Variants in KIAA1217 observed in about 807,000 individuals in gnomAD.
KIAA1217 encodes the protein KIAA1217.
KIAA1217 carries 88 observed loss-of-function variants against 163.9 expected under a neutral mutation model. That is an observed-to-expected ratio of 0.54 (90% CI 0.45 to 0.64). The LOEUF is 0.64. Ranked by LOEUF, KIAA1217 falls within the 30% of genes least tolerant of loss-of-function variation. The probability of loss-of-function intolerance (pLI) is 0.00; values close to 1 mark genes in which losing one functional copy is unlikely to be tolerated. For synonymous variants in KIAA1217, 903 were observed against 923.1 expected (o/e 0.98, Z 0.39); for missense variants, 2,372 against 2,475.0 (o/e 0.96, Z 0.88).
intron 2 of KIAA1217, among the ~76,000 whole-genome samples, chr10:24,373,035 G>A (rs2051907816): frequency 1.3e-5 from 2 of 152,184 alleles, no homozygotes; most frequent in South Asian, 4.1e-4. Flanking sequence ...GAAATCTTGA[G>A]GAGCTTGTCC....
At chr10:23,894,781 A>G (rs560832040) in intron 1 of KIAA1217, among the ~76,000 whole-genome samples, 1 of 150,866 alleles carries the variant, frequency 6.6e-6, no homozygotes, top group South Asian at 2.1e-4. Flanking sequence ...TGGTACTGGT[A>G]CCAAAACAGA....
At chr10:24,282,212 T>TC (rs1333152104) in intron 2 of KIAA1217, among the ~76,000 whole-genome samples, 1 of 150,952 alleles carries the variant, frequency 6.6e-6, no homozygotes, top group Non-Finnish European at 1.5e-5. Context: ...CAAAATTTTT[T>TC]TTTCAAAAAA....
intron 1 of KIAA1217, among the ~76,000 whole-genome samples, chr10:23,893,072 G>A (rs1188944993): frequency 6.6e-6 from 1 of 152,028 alleles, no homozygotes; most frequent in Non-Finnish European, 1.5e-5. Context: ...AATGGTACCA[G>A]TTCCTCCTTG....
intron 2 of KIAA1217, among the ~76,000 whole-genome samples, chr10:24,259,154 G>A (rs1036620510): frequency 6.6e-6 from 1 of 152,070 alleles, no homozygotes; most frequent in African/African-American, 2.4e-5. Context: ...AAAAACTAGA[G>A]GGAGGGGTCT....
chr10:23,737,574 A>G (rs1448820764), intron 1 of KIAA1217, among the ~76,000 whole-genome samples: 1 of 152,114 alleles, frequency 6.6e-6, no homozygotes, highest in Non-Finnish European at 1.5e-5. Flanking sequence ...GCCCCCAAAG[A>G]TTACCACTTT....
intron 5 of KIAA1217, among the ~76,000 whole-genome samples, chr10:24,467,680 C>G (rs1210005088): frequency 1.3e-5 from 2 of 152,116 alleles, no homozygotes; most frequent in East Asian, 1.9e-4. Flanking sequence ...TACAACATAG[C>G]TAGTTACTTA....
At chr10:24,009,032 C>T (rs7085498) in intron 2 of KIAA1217, among the ~76,000 whole-genome samples, 39,002 of 152,048 alleles carry the variant, frequency 0.26, 5,071 homozygotes, top group East Asian at 0.28. Context: ...CAAAGTCATC[C>T]GTGGGAGGAG....
At chr10:24,479,418 G>A (rs943251375) in intron 6 of KIAA1217, among the ~76,000 whole-genome samples, 1 of 152,114 alleles carries the variant, frequency 6.6e-6, no homozygotes, top group Non-Finnish European at 1.5e-5. Flanking sequence ...TGAATGATGG[G>A]AAAAGAAGGA....
chr10:24,356,002 C>G (rs1328316312), intron 2 of KIAA1217, among the ~76,000 whole-genome samples: 7 of 151,916 alleles, frequency 4.6e-5, no homozygotes. Flanking sequence ...CCGCCTCGGC[C>G]TCCCAAAGTG....
intron 1 of KIAA1217, among the ~76,000 whole-genome samples, chr10:23,963,209 G>T (rs1453262431): frequency 6.6e-6 from 1 of 152,136 alleles, no homozygotes; most frequent in African/African-American, 2.4e-5. Flanking sequence ...ATGGTTTCCT[G>T]CACCCATCAA....
intron 2 of KIAA1217, among the ~76,000 whole-genome samples, chr10:24,126,829 A>G (rs1019203971): frequency 7.2e-5 from 11 of 151,860 alleles, no homozygotes; most frequent in African/African-American, 2.7e-4. Context: ...TCTTATGTCC[A>G]CTACATAAGA....
chr10:24,187,812 C>T (rs937784756), intron 2 of KIAA1217, among the ~76,000 whole-genome samples: 35 of 151,882 alleles, frequency 2.3e-4, no homozygotes, highest in African/African-American at 8.5e-4. Flanking sequence ...ATCGCTTGAA[C>T]CCGGGAGGCG....
chr10:23,761,136 C>T (rs914512835), intron 1 of KIAA1217, among the ~76,000 whole-genome samples: 1 of 152,034 alleles, frequency 6.6e-6, no homozygotes, highest in Non-Finnish European at 1.5e-5. Flanking sequence ...CATTATAGGG[C>T]ACACCTGTAG....
chr10:23,896,442 G>A (rs1841706337), intron 1 of KIAA1217, among the ~76,000 whole-genome samples: 1 of 151,990 alleles, frequency 6.6e-6, no homozygotes, highest in African/African-American at 2.4e-5. Flanking sequence ...GTCATCACCT[G>A]ATTATAATGT....
chr10:23,934,625 A>ATATATATT (rs1554826424), intron 1 of KIAA1217, among the ~76,000 whole-genome samples: 2 of 68,570 alleles, frequency 2.9e-5, no homozygotes, highest in African/African-American at 9.2e-5. Context: ...ATATATATAT[A>ATATATATT]TTTTTTTTTT....
chr10:24,523,491 TA>T (rs776470057), intron 12 of KIAA1217, among the ~76,000 whole-genome samples: 188 of 151,720 alleles, frequency 1.2e-3, no homozygotes, highest in African/African-American at 3.5e-3. Flanking sequence ...TTTTTTCAAA[TA>T]AAAAAAAGTA....
In KIAA1217 at chr10:24,245,810, TTC is replaced by T. The variant is rs1171882759; in HGVS notation, c.354+25903_354+25904del. Among the ~76,000 whole-genome samples, 8 of 151,282 alleles carry T rather than the reference TTC, an allele frequency of 5.3e-5. No individual in the cohort carries two copies. In the East Asian group the frequency reaches 1.4e-3, roughly 26 times the overall value. On this transcript the variant is annotated intron_variant, in intron 2 of 20. Transcript: ENST00000376454. ...TCACACCAACTAATTTTTTTTTTTT[TTC>T]TTTTAGGTAGAGCCAGGGTCTCACT...
intron 2 of KIAA1217, among the ~76,000 whole-genome samples, chr10:24,140,006 C>G (rs1434115734): frequency 2.0e-5 from 3 of 149,098 alleles, no homozygotes; most frequent in African/African-American, 7.4e-5. Flanking sequence ...CCTCAGCATA[C>G]TTTTTTTTTT....
chr10:24,062,896 T>C (rs1213762510), intron 2 of KIAA1217, among the ~76,000 whole-genome samples: 1 of 144,096 alleles, frequency 6.9e-6, no homozygotes, highest in Non-Finnish European at 1.5e-5. Flanking sequence ...CCAGTGATGA[T>C]GAGCATTTTT....
Sources: allele counts gnomAD v4.1 joint callset (sites outside exome capture counted in the v4.1 genomes callset), GRCh38; gene constraint gnomAD v4.1.1; transcripts MANE v1.5; gene names NCBI Gene and HGNC (gene_info 2026-07-23, HGNC 2026-07-21).